KIF6: variants seen among roughly 807,000 people sequenced by gnomAD.
KIF6 encodes the protein kinesin family member 6.
KIF6 carries 106 observed loss-of-function variants against 112.7 expected under a neutral mutation model. That is an observed-to-expected ratio of 0.94 (90% CI 0.80 to 1.11). KIF6 has a LOEUF of 1.11. KIF6 is among the 50% of genes least tolerant of loss of function. The pLI is 0.00. For missense variants in KIF6, 929 were observed against 964.0 expected, an observed-to-expected ratio of 0.96 and a Z score of 0.48; for synonymous variants, 339 against 339.9, an observed-to-expected ratio of 1.00 and a Z score of 0.03.
intron 13 of KIF6, among the ~76,000 whole-genome samples, chr6:39,482,525 G>T (rs1774861558): frequency 6.6e-6 from 1 of 152,206 alleles, no homozygotes; most frequent in Non-Finnish European, 1.5e-5. Context: ...AAGAGCCAGA[G>T]AAATTTGCAT....
intron 6 of KIF6, among the ~76,000 whole-genome samples, chr6:39,608,397 C>T (rs1000813162): frequency 4.6e-5 from 7 of 152,186 alleles, no homozygotes; most frequent in African/African-American, 1.7e-4. Context: ...AATCATCTTG[C>T]ACAAACCTTA....
At chr6:39,550,038 A>G (rs1779280722) in intron 10 of KIF6, among the ~76,000 whole-genome samples, 1 of 152,136 alleles carries the variant, frequency 6.6e-6, no homozygotes, top group African/African-American at 2.4e-5. Context: ...TCTTTGGCTC[A>G]AGAACATTCA....
chr6:39,676,684 T>C (rs1787159606), intron 3 of KIF6, among the ~76,000 whole-genome samples: 1 of 152,048 alleles, frequency 6.6e-6, no homozygotes, highest in Non-Finnish European at 1.5e-5. Context: ...AGTAGCGACA[T>C]TAATTTTAGA....
intron 16 of KIF6, among the ~76,000 whole-genome samples, chr6:39,383,677 T>G (rs1183988455): frequency 1.3e-5 from 2 of 152,188 alleles, no homozygotes; most frequent in Non-Finnish European, 2.9e-5. Flanking sequence ...TTAGAATAGT[T>G]TTTTTTTCTA....
chr6:39,529,391 G>C (rs564685020), intron 13 of KIF6, among the ~76,000 whole-genome samples: 1 of 152,132 alleles, frequency 6.6e-6, no homozygotes, highest in Admixed American at 6.5e-5. Context: ...AGAAAATATT[G>C]TAAGCCATAC....
intron 16 of KIF6, among the ~76,000 whole-genome samples, chr6:39,376,993 G>A (rs1285922686): frequency 6.6e-6 from 1 of 152,222 alleles, no homozygotes; most frequent in Non-Finnish European, 1.5e-5. Context: ...AGGGGCTGTG[G>A]AGACCATCTA....
intron 5 of KIF6, among the ~76,000 whole-genome samples, chr6:39,621,086 A>G (rs1783790321): frequency 6.6e-6 from 1 of 151,876 alleles, no homozygotes; most frequent in Admixed American, 6.6e-5. Flanking sequence ...TTTTTTTAAT[A>G]GTTACACAAT....
chr6:39,352,673 G>A (rs1488362786), intron 19 of KIF6, among the ~76,000 whole-genome samples: 1 of 149,398 alleles, frequency 6.7e-6, no homozygotes, highest in Non-Finnish European at 1.5e-5. Flanking sequence ...GCTTGATCTC[G>A]GCTCACTGCA....
At chr6:39,561,438 GC>G (rs1321908073) in intron 10 of KIF6, among the ~76,000 whole-genome samples, 2 of 151,158 alleles carry the variant, frequency 1.3e-5, no homozygotes, top group African/African-American at 4.9e-5. Context: ...TGCAACCTCC[GC>G]CTTCTGGGTT....
At position 39,342,621 on chromosome 6, in the gene KIF6, A is replaced by ATT. The variant is rs962757165; in HGVS notation, c.2428+1086_2428+1087dup. On this transcript the variant is annotated intron_variant, in intron 22 of 22. Coordinates refer to ENST00000287152, the MANE Select transcript of KIF6 (RefSeq NM_145027.6). The surrounding 1 kb of genome is among the most constrained non-coding windows in gnomAD (Gnocchi z 4.7). ...TTTTTATTTTTTTTTATTTTTTTTT[A>ATT]TTTTTTTTTATTTTTAGACAAGGAA... Among the ~76,000 whole-genome samples, 1 of 84,540 alleles carries ATT rather than the reference A, an allele frequency of 1.2e-5. No individual in the cohort carries two copies. Among genetic ancestry groups the ATT allele is most frequent in the African/African-American group, 8.5e-5 (1 of 11,762 alleles). The allele number at this position is 84,540 out of a possible 152,430, so 55.5% of individuals were successfully genotyped here.
At chr6:39,402,661 C>A (rs1768794647) in intron 15 of KIF6, among the ~76,000 whole-genome samples, 1 of 152,140 alleles carries the variant, frequency 6.6e-6, no homozygotes, top group African/African-American at 2.4e-5. Context: ...CCAACGAGGC[C>A]TGACTGAGAA....
At chr6:39,382,648 T>C (rs1321958326) in intron 16 of KIF6, among the ~76,000 whole-genome samples, 1 of 152,194 alleles carries the variant, frequency 6.6e-6, no homozygotes, top group Non-Finnish European at 1.5e-5. Context: ...CTGTGTCTTT[T>C]GGTAGAATGA....
At chr6:39,617,584 T>A (rs998165527) in intron 5 of KIF6, 24 of 368,058 alleles carry the variant, frequency 6.5e-5, no homozygotes, top group Admixed American at 3.2e-4. Context: ...TCTGAGGGGG[T>A]GCTATTCACA....
intron 15 of KIF6, among the ~76,000 whole-genome samples, chr6:39,387,730 A>G (rs1359570001): frequency 6.6e-6 from 1 of 152,162 alleles, no homozygotes; most frequent in Non-Finnish European, 1.5e-5. Context: ...CCATATAAGC[A>G]GAGTAAAGAA....
intron 21 of KIF6, among the ~76,000 whole-genome samples, chr6:39,344,944 T>G (rs892976200): frequency 6.6e-6 from 1 of 152,022 alleles, no homozygotes; most frequent in Non-Finnish European, 1.5e-5. Flanking sequence ...TAAGTAGAAG[T>G]GTTGTGTGGG....
chr6:39,427,474 C>G (rs1293990710), intron 14 of KIF6, among the ~76,000 whole-genome samples: 1 of 152,144 alleles, frequency 6.6e-6, no homozygotes, highest in Admixed American at 6.5e-5. Flanking sequence ...TCCATCAATG[C>G]AAATAAGAGC....
intron 3 of KIF6, among the ~76,000 whole-genome samples, chr6:39,667,045 T>G (rs1210774553): frequency 2.0e-5 from 3 of 152,204 alleles, no homozygotes; most frequent in African/African-American, 7.2e-5. Flanking sequence ...TCTCTTTCAC[T>G]GTGTTGTAAG....
At chr6:39,510,494 G>A (rs1488967756) in intron 13 of KIF6, among the ~76,000 whole-genome samples, 1 of 152,096 alleles carries the variant, frequency 6.6e-6, no homozygotes, top group Non-Finnish European at 1.5e-5. Context: ...ACAAGCAAAT[G>A]CTAAGAGATT....
chr6:39,683,333 T>C (rs1057255109), intron 3 of KIF6, among the ~76,000 whole-genome samples: 1 of 152,158 alleles, frequency 6.6e-6, no homozygotes, highest in Non-Finnish European at 1.5e-5. Context: ...ATTCGGGAGA[T>C]ACTTTAGAGT....
Sources: allele counts gnomAD v4.1 joint callset (sites outside exome capture counted in the v4.1 genomes callset), GRCh38; gene constraint gnomAD v4.1.1; non-coding constraint Gnocchi (gnomAD v3.1); transcripts MANE v1.5; gene names NCBI Gene and HGNC (gene_info 2026-07-23, HGNC 2026-07-21).